The following WDR33 variants were observed in gnomAD, a reference collection of about 807,000 sequenced individuals.
WDR33 encodes the protein pre-mRNA 3' end processing protein WDR33.
A neutral mutation model predicts 164.9 loss-of-function variants in WDR33; 47 were observed. The ratio of observed to expected loss-of-function variants is 0.29; its 90% CI spans 0.23 to 0.36. WDR33 has a LOEUF of 0.36. WDR33 is among the 10% of genes least tolerant of loss of function. The pLI is 1.00. For missense variants in WDR33, 1,137 were observed against 1,754.1 expected, an observed-to-expected ratio of 0.65 and a Z score of 6.28; for synonymous variants, 505 against 589.0, an observed-to-expected ratio of 0.86 and a Z score of 2.06.
At position 127,729,368 on chromosome 2, in the gene WDR33, G is replaced by T. The variant is rs189679883; in HGVS notation, c.725-2591C>A. 2.0e-5 allele frequency among the ~76,000 whole-genome samples: 3 copies of T among 152,288 alleles called. No individual in the cohort carries two copies. In the East Asian group the frequency reaches 5.8e-4, roughly 29 times the overall value. On this transcript the variant is annotated intron_variant, in intron 7 of 21. Coordinates refer to ENST00000322313, the MANE Select transcript of WDR33 (RefSeq NM_018383.5). Reference sequence around the variant, plus strand: ...GATACTGCTTTCTTAGATATGAAAAGGTTAGTTAAGAGTTACAAGAGCAGA... The same window carrying T: ...GATACTGCTTTCTTAGATATGAAAATGTTAGTTAAGAGTTACAAGAGCAGA...
At chr2:127,730,049 C>T (rs1171426079) in intron 7 of WDR33, among the ~76,000 whole-genome samples, 1 of 152,128 alleles carries the variant, frequency 6.6e-6, no homozygotes, top group Non-Finnish European at 1.5e-5. Context: ...GCTCCAAGAA[C>T]TAGGTAGCTT....
Position 127,717,073 on chromosome 2 carries a change from A to C in WDR33, c.2869+82T>G, listed in dbSNP as rs776809766. On this transcript the variant is annotated intron_variant, in intron 17 of 21. Coordinates refer to ENST00000322313, the MANE Select transcript of WDR33 (RefSeq NM_018383.5). The surrounding 1 kb of genome is among the most constrained non-coding windows in gnomAD (Gnocchi z 5.6). Reference sequence around the variant, plus strand: ...GGTTCAAATGACCAGTCTATCAATGACTGGCCAACAAAATTATTCACTGTA... The same window carrying C: ...GGTTCAAATGACCAGTCTATCAATGCCTGGCCAACAAAATTATTCACTGTA... 5.4e-5 allele frequency: 76 copies of C among 1,411,768 alleles called. No individual in the cohort carries two copies. Among genetic ancestry groups the C allele is most frequent in the Non-Finnish European group, 7.3e-5 (74 of 1,019,796 alleles). 87.5% of individuals were successfully genotyped at this position (1,411,768 alleles called of 1,614,324 possible).
At chr2:127,707,296 T>C (rs75473582) in intron 21 of WDR33, among the ~76,000 whole-genome samples, 1 of 152,050 alleles carries the variant, frequency 6.6e-6, no homozygotes. Flanking sequence ...AAGATTTTTT[T>C]CCTCAGGAAA....
rs1330037898 is a variant in WDR33, at chr2:127,741,862, A to C, written c.725-15085T>G. ...CTTCCTTGAAAAATGAAAAGATTAG[A>C]GAACCACTAGAAATTCTTGAAAAGT... On this transcript the variant is annotated intron_variant, in intron 7 of 21. Transcript: ENST00000322313. This position sits in a 1 kb window ranked among gnomAD's most constrained non-coding sequence, Gnocchi z 4.1. Among the ~76,000 whole-genome samples the C allele has an allele frequency of 6.7e-6, 1 of 148,574 alleles. No homozygotes were observed. Among genetic ancestry groups the C allele is most frequent in the Admixed American group, 6.8e-5 (1 of 14,758 alleles).
At chr2:127,797,097 C>A (rs1689067641) in intron 1 of WDR33, among the ~76,000 whole-genome samples, 1 of 152,000 alleles carries the variant, frequency 6.6e-6, no homozygotes, top group Non-Finnish European at 1.5e-5. Flanking sequence ...CCTTGCAAAT[C>A]ACAAAATAAT....
chr2:127,727,107 G>A (rs1369539916), intron 7 of WDR33, among the ~76,000 whole-genome samples: 2 of 152,066 alleles, frequency 1.3e-5, no homozygotes, highest in Non-Finnish European at 1.5e-5. Flanking sequence ...TGTTGTTCCC[G>A]ATTACCCTGA....
chr2:127,782,522 G>A (rs1171529717), intron 1 of WDR33, among the ~76,000 whole-genome samples: 1 of 152,068 alleles, frequency 6.6e-6, no homozygotes, highest in Admixed American at 6.5e-5. Context: ...TTCATAACTT[G>A]GGGGAAGCAG....
intron 7 of WDR33, among the ~76,000 whole-genome samples, chr2:127,752,058 T>C (rs973125668): frequency 3.9e-5 from 6 of 152,224 alleles, no homozygotes; most frequent in Non-Finnish European, 8.8e-5. Flanking sequence ...TATTTGAATC[T>C]TGTCTACTGC....
chr2:127,711,764 A>ATTTTTTTT (rs1206674701), intron 18 of WDR33, among the ~76,000 whole-genome samples: 31 of 74,614 alleles, frequency 4.2e-4, no homozygotes, highest in African/African-American at 3.6e-3. Flanking sequence ...ATATATATAT[A>ATTTTTTTT]TATATATATA....
chr2:127,803,947 C>CA (rs559652976), intron 1 of WDR33, among the ~76,000 whole-genome samples: 2,991 of 61,278 alleles, frequency 0.049, 87 homozygotes, highest in African/African-American at 0.099. Context: ...GACCCAGTCT[C>CA]AAAAAAAAAA....
chr2:127,786,310 C>T lies in WDR33; in HGVS notation c.-23-15306G>A, dbSNP rs147543457. On this transcript the variant is annotated intron_variant, in intron 1 of 21. Transcript: ENST00000322313. ...TTGGCTTTCCAAAGTGCTGTGATGA[C>T]AGGCATGAGCCACAGTGCCCAGCCG... Among the ~76,000 whole-genome samples, 769 of 152,346 alleles carry T rather than the reference C, an allele frequency of 5.0e-3. 3 individuals carry two copies. The highest frequency in any genetic ancestry group is 8.3e-3 in the Non-Finnish European group (567 of 68,036).
In WDR33 at chr2:127,709,711, C is replaced by T. The variant is rs1264900544; in HGVS notation, c.3454G>A (p.Gly1152Ser). ...CGCTCACCTCGTGGGGTACCCCGAC[C>T]TCGACCTCTGAGATCTCGTCCTCGG... ...AARGRDLRGR[G>S]RGTPRGGRKG... The change falls in exon 19 of 22, where the codon GGT becomes AGT. Residue 1152 changes from glycine (G) to serine (S), a missense_variant. Gly to Ser is a moderately conservative substitution (Grantham distance 56). This residue lies in a region of WDR33 where 867 missense variants were observed against 1,073.0 expected (regional missense o/e 0.81). Transcript: ENST00000322313. The surrounding 1 kb of genome is among the most constrained non-coding windows in gnomAD (Gnocchi z 5.0). 1 of 1,614,254 alleles carries T rather than the reference C, an allele frequency of 6.2e-7. No homozygotes were observed. The highest frequency in any genetic ancestry group is 8.5e-7 in the Non-Finnish European group (1 of 1,180,056).
intron 1 of WDR33, among the ~76,000 whole-genome samples, chr2:127,778,439 G>GAAAAAAA (rs5834186): frequency 8.1e-6 from 1 of 123,772 alleles, no homozygotes; most frequent in Admixed American, 8.6e-5. Context: ...TCCATCTCAA[G>GAAAAAAA]AAAAAAAAAA....
rs753197540 is a variant in WDR33 at position 127,720,471 on chromosome 2, C to G, written c.1672-118G>C. On this transcript the variant is annotated intron_variant, in intron 15 of 21. Transcript: ENST00000322313. The surrounding 1 kb of genome is among the most constrained non-coding windows in gnomAD (Gnocchi z 5.9). Reference sequence around the variant, plus strand: ...CTCAAACATAAAAACTGCTCAAACTCTTCACGCTCCAGTGGTAATTAGAGT... The same window carrying G: ...CTCAAACATAAAAACTGCTCAAACTGTTCACGCTCCAGTGGTAATTAGAGT... 1.4e-5 allele frequency: 17 copies of G among 1,240,948 alleles called. No homozygotes were observed. Among genetic ancestry groups the G allele is most frequent in the Non-Finnish European group, 1.8e-5 (17 of 941,204 alleles). The allele number at this position is 1,240,948 out of a possible 1,614,324, so 76.9% of individuals were successfully genotyped here. A position where few individuals can be genotyped will look rare whatever the true frequency, so the allele number is the denominator to read the frequency against.
In WDR33 at chr2:127,724,280, A is replaced by AT; in HGVS notation, c.1196+52dup. 2 of 1,348,758 alleles carry AT rather than the reference A, an allele frequency of 1.5e-6. No homozygotes were observed. Among genetic ancestry groups the AT allele is most frequent in the Non-Finnish European group, 2.1e-6 (2 of 946,204 alleles). 83.5% of individuals were successfully genotyped at this position (1,348,758 alleles called of 1,614,324 possible). A position where few individuals can be genotyped will look rare whatever the true frequency, so the allele number is the denominator to read the frequency against. On this transcript the variant is annotated intron_variant, in intron 11 of 21. Coordinates refer to ENST00000322313, the MANE Select transcript of WDR33 (RefSeq NM_018383.5). This position sits in a 1 kb window ranked among gnomAD's most constrained non-coding sequence, Gnocchi z 4.8. ...ACCAATAAAAATAAACACATACAGT[A>AT]TTTATTTCCTGTTGCTCCATATAAA...
rs143379044 is a variant in WDR33 at position 127,729,201 on chromosome 2, T to C, written c.725-2424A>G. Among the ~76,000 whole-genome samples, 53 of 152,344 alleles carry C rather than the reference T, an allele frequency of 3.5e-4. No individual in the cohort carries two copies. The East Asian group carries it at 8.9e-3, about 25-fold the overall frequency. On this transcript the variant is annotated intron_variant, in intron 7 of 21. Transcript: ENST00000322313. ...AGCGTTATTCTAAGCGAAGTATGTG[T>C]AGCGACTCATTTTACATCTGAAGAC...
chr2:127,728,065 T>C lies in WDR33; in HGVS notation c.725-1288A>G, dbSNP rs118065188. ...ACAGTTTGGCTGTATGTATCAAAAG[T>C]ATGAGAAAGTACATCTCCTACAACC... On this transcript the variant is annotated intron_variant, in intron 7 of 21. Transcript: ENST00000322313. Among the ~76,000 whole-genome samples the C allele has an allele frequency of 6.6e-5, 10 of 152,306 alleles. No individual in the cohort carries two copies. The East Asian group carries it at 1.9e-3, about 29-fold the overall frequency.
intron 7 of WDR33, chr2:127,736,417 G>C: frequency 1.0e-6 from 1 of 985,420 alleles, no homozygotes; most frequent in African/African-American, 1.7e-5. Flanking sequence ...TGGTAGCACA[G>C]AAGTGTTTTT....
rs939852239 is a variant in WDR33 at position 127,705,961 on chromosome 2, CTTTG to C, written c.*358_*361del. 2 of 223,528 alleles carry C rather than the reference CTTTG, an allele frequency of 8.9e-6. No homozygotes were observed. 13.8% of individuals were successfully genotyped at this position (223,528 alleles called of 1,614,324 possible). On this transcript the variant is annotated 3_prime_UTR_variant, in exon 22 of 22. Coordinates refer to ENST00000322313, the MANE Select transcript of WDR33 (RefSeq NM_018383.5). The surrounding 1 kb of genome is among the most constrained non-coding windows in gnomAD (Gnocchi z 4.5). ...ATCACATTCTGTATTCATACAAAAA[CTTTG>C]TTTTTCTCTGACAAACTGTACACAT...
Sources: allele counts gnomAD v4.1 joint callset (sites outside exome capture counted in the v4.1 genomes callset), GRCh38; gene constraint gnomAD v4.1.1; regional missense constraint gnomAD v4.1.1; non-coding constraint Gnocchi (gnomAD v3.1); transcripts MANE v1.5; gene names NCBI Gene and HGNC (gene_info 2026-07-23, HGNC 2026-07-21).